CECR2: variants seen among roughly 807,000 people sequenced by gnomAD.
CECR2 encodes CECR2 histone acetyl-lysine reader, also known as chromatin remodeling regulator CECR2.
Under a neutral mutation model 154.5 loss-of-function variants are expected in CECR2, and 30 were observed. That is an observed-to-expected ratio of 0.19 (90% CI 0.15 to 0.26). The LOEUF is 0.26. Among genes scored for constraint, CECR2 ranks in the 10% least tolerant of loss-of-function variants. The probability of loss-of-function intolerance (pLI) is 1.00; values close to 1 mark genes in which losing one functional copy is unlikely to be tolerated. For synonymous variants in CECR2, 725 were observed against 683.7 expected (o/e 1.06, Z -0.94); for missense variants, 1,743 against 1,829.3 (o/e 0.95, Z 0.86).
At chr22:17,362,522 T>A (rs1443208238) in intron 1 of CECR2, among the ~76,000 whole-genome samples, 1 of 148,736 alleles carries the variant, frequency 6.7e-6, no homozygotes, top group Non-Finnish European at 1.5e-5. Flanking sequence ...TTTCAAAGAC[T>A]TGGCATGAAA....
intron 1 of CECR2, among the ~76,000 whole-genome samples, chr22:17,444,083 G>A (rs2054622863): frequency 6.6e-6 from 1 of 152,154 alleles, no homozygotes; most frequent in South Asian, 2.1e-4. Context: ...GGTCGGACTG[G>A]CAGTGCACCC....
intron 1 of CECR2, among the ~76,000 whole-genome samples, chr22:17,439,280 T>A (rs2054550575): frequency 6.6e-6 from 1 of 152,046 alleles, no homozygotes; most frequent in Non-Finnish European, 1.5e-5. Context: ...CTGTTCCAGT[T>A]ACCAAATTTA....
At chr22:17,476,147 A>G (rs920758465) in intron 1 of CECR2, among the ~76,000 whole-genome samples, 2 of 149,186 alleles carry the variant, frequency 1.3e-5, no homozygotes, top group Non-Finnish European at 1.5e-5. Flanking sequence ...GCCTCTCTCC[A>G]TTGTCACTCG....
intron 9 of CECR2, among the ~76,000 whole-genome samples, chr22:17,535,496 C>G (rs893259298): frequency 1.3e-5 from 2 of 151,998 alleles, no homozygotes; most frequent in Non-Finnish European, 2.9e-5. Context: ...TTTGTTGATA[C>G]TATTGTTTAC....
At chr22:17,481,363 A>G (rs1018787317) in intron 2 of CECR2, among the ~76,000 whole-genome samples, 15 of 137,760 alleles carry the variant, frequency 1.1e-4, no homozygotes, top group African/African-American at 3.8e-4. Context: ...AAAAAAAAAA[A>G]GTAACTTCAT....
chr22:17,459,824 A>G (rs1387639436), intron 1 of CECR2, among the ~76,000 whole-genome samples: 6 of 152,200 alleles, frequency 3.9e-5, no homozygotes, highest in African/African-American at 1.2e-4. Context: ...CAAATATGCA[A>G]CCTAAAGCAA....
chr22:17,505,503 G>GCATTTTCAAA (rs2055823917), intron 7 of CECR2, among the ~76,000 whole-genome samples: 1 of 145,964 alleles, frequency 6.9e-6, no homozygotes, highest in Non-Finnish European at 1.5e-5. Flanking sequence ...CCTACTTCAT[G>GCATTTTCAAA]CATTTTCAAA....
At chr22:17,461,940 G>A (rs187161328) in intron 1 of CECR2, among the ~76,000 whole-genome samples, 3 of 151,798 alleles carry the variant, frequency 2.0e-5, no homozygotes, top group East Asian at 2.0e-4. Context: ...CTACAGGTGC[G>A]CACCACCAAA....
upstream of CECR2, among the ~76,000 whole-genome samples, chr22:17,366,281 C>T (rs2063001460): frequency 6.6e-6 from 1 of 152,150 alleles, no homozygotes; most frequent in African/African-American, 2.4e-5. Context: ...CTCTGCCTCC[C>T]GGGTTCAACC....
chr22:17,368,533 C>G (rs1377991467), upstream of CECR2, among the ~76,000 whole-genome samples: 1 of 152,176 alleles, frequency 6.6e-6, no homozygotes. Flanking sequence ...CTCCACCGCG[C>G]TACAGCAGTT....
rs369049961 is a variant in CECR2 at position 17,542,864 on chromosome 22, T to G, written c.2721T>G (p.Pro907=). ...GTGTGCCTTACCACCCCCACCAGCCTGCACACCCCCGTTTACCTGGCCCTT... is the reference window on the plus strand; with the variant it reads ...GTGTGCCTTACCACCCCCACCAGCCGGCACACCCCCGTTTACCTGGCCCTT... ...PPGVPYHPHQ[P]AHPRLPGPFP... The change falls in exon 16 of 19, where the codon CCT becomes CCG. Residue 907 remains proline, a synonymous_variant. Transcript: ENST00000262608. 2.5e-6 allele frequency: 4 copies of G among 1,613,616 alleles called. No homozygotes were observed. The African/African-American group carries it at 5.3e-5, about 22-fold the overall frequency.
chr22:17,502,129 G>A (rs1310423941), intron 5 of CECR2, among the ~76,000 whole-genome samples: 1 of 152,104 alleles, frequency 6.6e-6, no homozygotes, highest in Non-Finnish European at 1.5e-5. Context: ...ATCCTAATGC[G>A]TTATACACTT....
At chr22:17,382,131 C>G (rs2063203623) in intron 1 of CECR2, among the ~76,000 whole-genome samples, 1 of 151,850 alleles carries the variant, frequency 6.6e-6, no homozygotes, top group Admixed American at 6.6e-5. Context: ...ACCTTGTGAT[C>G]CGCCCGCCTT....
intron 2 of CECR2, 37 bp downstream of exon 2, chr22:17,477,719 C>T: frequency 7.0e-7 from 1 of 1,424,336 alleles, no homozygotes; most frequent in Non-Finnish European, 9.9e-7. Flanking sequence ...TTTCTTGCGC[C>T]AAGAACTAAT....
At chr22:17,511,953 T>C in intron 8 of CECR2, 57 bp downstream of exon 8, 3 of 1,284,672 alleles carry the variant, frequency 2.3e-6, no homozygotes, top group Non-Finnish European at 3.3e-6. Flanking sequence ...GACGGATCCT[T>C]TTCATGTACT....
chr22:17,381,209 A>G (rs1405169133), intron 1 of CECR2, among the ~76,000 whole-genome samples: 1 of 152,202 alleles, frequency 6.6e-6, no homozygotes, highest in Non-Finnish European at 1.5e-5. Context: ...TTGGGTTAGT[A>G]TCCACACGAA....
chr22:17,461,704 C>T (rs984631150), intron 1 of CECR2, among the ~76,000 whole-genome samples: 2 of 152,136 alleles, frequency 1.3e-5, no homozygotes, highest in East Asian at 1.9e-4. Flanking sequence ...CATGTTTTTC[C>T]TCTGCGATGG....
chr22:17,386,744 G>T (rs1440667103), intron 1 of CECR2, among the ~76,000 whole-genome samples: 2 of 151,414 alleles, frequency 1.3e-5, no homozygotes, highest in African/African-American at 4.9e-5. Context: ...TCCACCTCCT[G>T]GGTTCAAGCC....
At chr22:17,465,673 C>T (rs1209945612) in intron 1 of CECR2, among the ~76,000 whole-genome samples, 1 of 151,918 alleles carries the variant, frequency 6.6e-6, no homozygotes, top group Admixed American at 6.6e-5. Context: ...TTAGTAGAGA[C>T]GGGGTTTCAC....
Sources: allele counts gnomAD v4.1 joint callset (sites outside exome capture counted in the v4.1 genomes callset), GRCh38; gene constraint gnomAD v4.1.1; transcripts MANE v1.5; gene names NCBI Gene and HGNC (gene_info 2026-07-23, HGNC 2026-07-21).